Variants in CACNA1C observed in about 807,000 individuals in gnomAD.
CACNA1C encodes the protein calcium voltage-gated channel subunit alpha1 C.
A neutral mutation model predicts 229.0 loss-of-function variants in CACNA1C; 30 were observed. The ratio of observed to expected loss-of-function variants is 0.13; its 90% CI spans 0.10 to 0.18. CACNA1C has a LOEUF of 0.18. Ranked by LOEUF, CACNA1C falls within the 10% of genes least tolerant of loss-of-function variation. CACNA1C has a pLI of 1.00. For missense variants in CACNA1C, 1,658 were observed against 2,845.0 expected, an observed-to-expected ratio of 0.58 and a Z score of 9.49; for synonymous variants, 1,114 against 1,132.5, an observed-to-expected ratio of 0.98 and a Z score of 0.33.
At chr12:2,331,304 G>T (rs2096540480) in intron 3 of CACNA1C, among the ~76,000 whole-genome samples, 1 of 152,044 alleles carries the variant, frequency 6.6e-6, no homozygotes, top group African/African-American at 2.4e-5. Flanking sequence ...ATCCCAACTC[G>T]AGAGCTGCTG....
At chr12:2,587,804 ATG>A (rs771097773) in intron 18 of CACNA1C, among the ~76,000 whole-genome samples, 1 of 152,020 alleles carries the variant, frequency 6.6e-6, no homozygotes, top group Non-Finnish European at 1.5e-5. Context: ...TGTTGGTTAC[ATG>A]TGTCTCTTTA....
Position 2,655,252 on chromosome 12 carries a change from G to C in CACNA1C, c.4232+14G>C. On this transcript the variant is annotated intron_variant, in intron 34 of 46. Coordinates refer to ENST00000399655, the MANE Select transcript of CACNA1C (RefSeq NM_000719.7). ...GCTCCTCTTCAGGTGGGTCCCTGAA[G>C]ACATAGGTGCACAGATACACACACA... 6.5e-7 allele frequency: 1 copy of C among 1,537,288 alleles called. No individual in the cohort carries two copies. The highest frequency in any genetic ancestry group is 9.0e-7 in the Non-Finnish European group (1 of 1,111,132).
Position 2,651,346 on chromosome 12 carries a change from G to C in CACNA1C, c.3946-294G>C. 1.9e-6 allele frequency: 1 copy of C among 525,206 alleles called. No homozygotes were observed. The highest frequency in any genetic ancestry group is 3.4e-6 in the Non-Finnish European group (1 of 295,170). The allele number at this position is 525,206 out of a possible 1,614,324, so 32.5% of individuals were successfully genotyped here. On this transcript the variant is annotated intron_variant, in intron 31 of 46. Transcript: ENST00000399655. The surrounding 1 kb of genome is among the most constrained non-coding windows in gnomAD (Gnocchi z 5.4). ...ATGGTAGTTCCTGATGGAGTCGTCT[G>C]TCCTCCATCCAGGGCATTAAGAACT...
At chr12:2,327,602 G>T (rs907386131) in intron 3 of CACNA1C, among the ~76,000 whole-genome samples, 1 of 152,214 alleles carries the variant, frequency 6.6e-6, no homozygotes, top group East Asian at 1.9e-4. Flanking sequence ...GTTCTGAGAG[G>T]TGTTCGTGTG....
intron 1 of CACNA1C, among the ~76,000 whole-genome samples, chr12:2,072,322 C>G (rs1188647624): frequency 6.6e-6 from 1 of 152,132 alleles, no homozygotes; most frequent in Admixed American, 6.5e-5. Context: ...CCCCAGCCTC[C>G]TGAGTAGCTG....
At chr12:2,449,914 T>C (rs1358282421) in intron 4 of CACNA1C, among the ~76,000 whole-genome samples, 1 of 152,176 alleles carries the variant, frequency 6.6e-6, no homozygotes, top group Non-Finnish European at 1.5e-5. Flanking sequence ...TCTGGACTTG[T>C]ACAGAGGCCT....
In CACNA1C at chr12:2,597,321, T is replaced by G; in HGVS notation, c.2853+32T>G. ...CCCCCATCCCCTTCTGCTCCTCCTG[T>G]CCCCCTTGTGCCAGCACCAGGTCTC... On this transcript the variant is annotated intron_variant, in intron 21 of 46. Coordinates refer to ENST00000399655, the MANE Select transcript of CACNA1C (RefSeq NM_000719.7). The surrounding 1 kb of genome is among the most constrained non-coding windows in gnomAD (Gnocchi z 4.3). The G allele has an allele frequency of 1.3e-6, 2 of 1,563,294 alleles. No individual in the cohort carries two copies. The highest frequency in any genetic ancestry group is 2.2e-5 in the South Asian group (2 of 90,002).
chr12:2,371,087 G>T (rs2154539695), intron 3 of CACNA1C, among the ~76,000 whole-genome samples: 1 of 152,322 alleles, frequency 6.6e-6, no homozygotes, highest in East Asian at 1.9e-4. Context: ...TGGAATAGCT[G>T]ATTTCACATA....
intron 3 of CACNA1C, among the ~76,000 whole-genome samples, chr12:2,128,523 G>A (rs544006958): frequency 2.6e-5 from 4 of 152,160 alleles, no homozygotes; most frequent in South Asian, 2.1e-4. Flanking sequence ...CCGTTCTCCC[G>A]TCTCAGCCTC....
At chr12:2,637,038 G>A (rs1374487549) in intron 30 of CACNA1C, among the ~76,000 whole-genome samples, 1 of 152,184 alleles carries the variant, frequency 6.6e-6, no homozygotes. Context: ...CACAACTGAT[G>A]GCTTCCGAAC....
chr12:2,189,093 A>C (rs1438017286), intron 3 of CACNA1C, among the ~76,000 whole-genome samples: 1 of 87,978 alleles, frequency 1.1e-5, no homozygotes, highest in Non-Finnish European at 1.9e-5. Flanking sequence ...ACTCCGTCTC[A>C]AAAAAAAAAA....
intron 3 of CACNA1C, among the ~76,000 whole-genome samples, chr12:2,216,297 T>C (rs2059965170): frequency 6.6e-6 from 1 of 152,130 alleles, no homozygotes. Context: ...AAGGACTAGA[T>C]TATAATTACC....
intron 3 of CACNA1C, among the ~76,000 whole-genome samples, chr12:2,173,362 G>T (rs2154266919): frequency 6.6e-6 from 1 of 152,296 alleles, no homozygotes; most frequent in South Asian, 2.1e-4. Flanking sequence ...GTATTAATTG[G>T]CTATCATGTG....
chr12:2,605,922 CCCGACTCAACCTTCAGA>C lies in CACNA1C; in HGVS notation c.3156+139_3156+155del. ...GCTTGGATATAACCTCCACCTGCAG[CCCGACTCAACCTTCAGA>C]CCAGGGTAGGGAGGCGCTAGAAGGA... is the stretch of plus-strand genomic sequence containing the variant. On this transcript the variant is annotated intron_variant, in intron 24 of 46. Coordinates refer to ENST00000399655, the MANE Select transcript of CACNA1C (RefSeq NM_000719.7). The surrounding 1 kb of genome is among the most constrained non-coding windows in gnomAD (Gnocchi z 6.2). 1.5e-6 allele frequency: 1 copy of C among 647,544 alleles called. No individual in the cohort carries two copies. The highest frequency in any genetic ancestry group is 2.4e-5 in the Admixed American group (1 of 41,980). 40.1% of individuals were successfully genotyped at this position (647,544 alleles called of 1,614,324 possible).
intron 4 of CACNA1C, among the ~76,000 whole-genome samples, chr12:2,454,533 C>T (rs1431167688): frequency 6.6e-6 from 1 of 152,180 alleles, no homozygotes; most frequent in Non-Finnish European, 1.5e-5. Flanking sequence ...CATTTATGCT[C>T]AGCATTCTTA....
At chr12:2,055,641 G>A (rs1228879684) in intron 1 of CACNA1C, among the ~76,000 whole-genome samples, 3 of 152,202 alleles carry the variant, frequency 2.0e-5, no homozygotes, top group Non-Finnish European at 2.9e-5. Flanking sequence ...AAGGGAGCAA[G>A]GGAGCCAGCG....
chr12:2,623,367 T>C (rs1158168451), intron 29 of CACNA1C, among the ~76,000 whole-genome samples: 3 of 152,008 alleles, frequency 2.0e-5, no homozygotes, highest in Non-Finnish European at 4.4e-5. Context: ...GGTTCCCCAT[T>C]GTCCACAGAG....
chr12:2,065,584 C>T (rs1426666184), intron 1 of CACNA1C, among the ~76,000 whole-genome samples: 2 of 152,088 alleles, frequency 1.3e-5, no homozygotes, highest in South Asian at 2.1e-4. Flanking sequence ...AAGATTTATG[C>T]CTAGACACAC....
rs778614316 is a variant in CACNA1C at position 2,493,341 on chromosome 12, G to A, written c.1068G>A (p.Val356=). 2 of 1,614,140 alleles carry A rather than the reference G, an allele frequency of 1.2e-6. No homozygotes were observed. Among genetic ancestry groups the A allele is most frequent in the East Asian group, 2.2e-5 (1 of 44,872 alleles). Residue 356 remains valine, a synonymous_variant, in exon 7 of 47, where the codon GTG becomes GTA. Coordinates refer to ENST00000399655, the MANE Select transcript of CACNA1C (RefSeq NM_000719.7). This position sits in a 1 kb window ranked among gnomAD's most constrained non-coding sequence, Gnocchi z 4.6. ...ACTTTGCCTTCGCCATGCTCACGGT[G>A]TTCCAGTGCATCACCATGGAGGGCT... ...FDNFAFAMLT[V]FQCITMEGWT... is the part of the protein sequence containing the mutation.
Sources: gnomAD v4.1 joint callset for allele counts (sites outside exome capture counted in the v4.1 genomes callset) on GRCh38, gnomAD v4.1.1 for gene constraint, Gnocchi (gnomAD v3.1) non-coding constraint, MANE v1.5 for transcripts, NCBI Gene and HGNC (gene_info 2026-07-23, HGNC 2026-07-21) for gene names.